Variants in EHD4 observed in about 807,000 individuals in gnomAD.
The protein encoded by EHD4 is EH domain containing 4, also known as EH domain-containing protein 4.
EHD4 carries 37 observed loss-of-function variants against 51.0 expected under a neutral mutation model. The observed-to-expected ratio is 0.73, with a 90% CI of 0.56 to 0.95. EHD4 has a LOEUF of 0.95. Ranked by LOEUF, EHD4 falls within the 40% of genes least tolerant of loss-of-function variation. The pLI is 0.00. For synonymous variants in EHD4, 297 were observed against 317.3 expected, an observed-to-expected ratio of 0.94 and a Z score of 0.68; for missense variants, 632 against 733.1, an observed-to-expected ratio of 0.86 and a Z score of 1.59.
At chr15:41,943,953 G>T (rs2067794509) in intron 2 of EHD4, among the ~76,000 whole-genome samples, 1 of 152,196 alleles carries the variant, frequency 6.6e-6, no homozygotes, top group Admixed American at 6.5e-5. Context: ...GAAGGCCCTG[G>T]CTGAGCATCT....
At position 41,932,440 on chromosome 15, in the gene EHD4, C is replaced by A. The variant is rs187853067; in HGVS notation, c.511+10627G>T. On this transcript the variant is annotated intron_variant, in intron 3 of 5. Coordinates refer to ENST00000220325, the MANE Select transcript of EHD4 (RefSeq NM_139265.4). The stretch of plus-strand genomic sequence containing the variant: ...CCCAAGCACATACACACCTACCCAC[C>A]GCAGGGTGCTTCAGAAAGGTGAAAC... 1.2e-3 allele frequency among the ~76,000 whole-genome samples: 177 copies of A among 152,288 alleles called. 1 individual carries two copies. The highest frequency in any genetic ancestry group is 4.1e-3 in the African/African-American group (172 of 41,544).
chr15:41,904,785 G>A (rs1244431552), intron 5 of EHD4, among the ~76,000 whole-genome samples: 2 of 152,242 alleles, frequency 1.3e-5, no homozygotes, highest in African/African-American at 2.4e-5. Flanking sequence ...CAGCAGTAAC[G>A]GTGGCCCTTC....
At chr15:41,906,403 C>T (rs1473736241) in intron 5 of EHD4, among the ~76,000 whole-genome samples, 1 of 152,214 alleles carries the variant, frequency 6.6e-6, no homozygotes, top group Non-Finnish European at 1.5e-5. Context: ...TCTTCCCATC[C>T]CCTCTTCACT....
chr15:41,947,321 G>A (rs1165821128), intron 2 of EHD4, among the ~76,000 whole-genome samples: 1 of 152,170 alleles, frequency 6.6e-6, no homozygotes, highest in Non-Finnish European at 1.5e-5. Context: ...GTGTCTGTCA[G>A]GGTGGGGAAC....
chr15:41,915,162 T>C (rs2067575782), intron 4 of EHD4, among the ~76,000 whole-genome samples: 3 of 152,120 alleles, frequency 2.0e-5, no homozygotes, highest in African/African-American at 7.2e-5. Flanking sequence ...GAACTACATA[T>C]ACATTCATAT....
chr15:41,909,035 C>T (rs1051927396), intron 5 of EHD4, among the ~76,000 whole-genome samples: 2 of 152,310 alleles, frequency 1.3e-5, no homozygotes, highest in Middle Eastern at 3.4e-3. Flanking sequence ...TGGGTGGCCT[C>T]GCTTGTGAGG....
intron 2 of EHD4, among the ~76,000 whole-genome samples, chr15:41,946,194 T>C (rs917959890): frequency 6.6e-6 from 1 of 152,190 alleles, no homozygotes. Flanking sequence ...ACGTAAAATA[T>C]GCAGACACAT....
chr15:41,917,008 C>G (rs2067589105), intron 4 of EHD4, among the ~76,000 whole-genome samples: 1 of 152,238 alleles, frequency 6.6e-6, no homozygotes, highest in South Asian at 2.1e-4. Flanking sequence ...CCAGGCCGCG[C>G]TGGCCCGTTC....
intron 5 of EHD4, among the ~76,000 whole-genome samples, chr15:41,904,241 G>A (rs2067497684): frequency 1.3e-5 from 2 of 152,220 alleles, no homozygotes; most frequent in Non-Finnish European, 2.9e-5. Context: ...TCCGACTGCA[G>A]AGCTCTGGAA....
chr15:41,950,798 C>T (rs1177664169), intron 2 of EHD4, among the ~76,000 whole-genome samples: 1 of 152,124 alleles, frequency 6.6e-6, no homozygotes, highest in Non-Finnish European at 1.5e-5. Context: ...GATTCCAATC[C>T]CCTCTCTGCC....
chr15:41,962,542 C>CAAA lies in EHD4; in HGVS notation c.237-8605_237-8603dup, dbSNP rs35279472. Among the ~76,000 whole-genome samples the CAAA allele has an allele frequency of 2.1e-3, 275 of 127,988 alleles. 1 individual carries two copies. The highest frequency in any genetic ancestry group is 3.6e-3 in the Non-Finnish European group (208 of 57,790). 84.0% of individuals were successfully genotyped at this position (127,988 alleles called of 152,430 possible). A position where few individuals can be genotyped will look rare whatever the true frequency, so the allele number is the denominator to read the frequency against. On this transcript the variant is annotated intron_variant, in intron 1 of 5. Coordinates refer to ENST00000220325, the MANE Select transcript of EHD4 (RefSeq NM_139265.4). ...AATAGTGTTAGAAAATGACAAAAGACAAAAAAAAAAAAACCCACAACAATA... is the reference window on the plus strand; with the variant it reads ...AATAGTGTTAGAAAATGACAAAAGACAAAAAAAAAAAAAAAACCCACAACAATA...
chr15:41,903,329 T>TAAATAAAA (rs2067490180), intron 5 of EHD4, among the ~76,000 whole-genome samples: 1 of 136,084 alleles, frequency 7.3e-6, no homozygotes, highest in East Asian at 2.1e-4. Flanking sequence ...TGCTTTCTTG[T>TAAATAAAA]AAAAAAAAAA....
intron 4 of EHD4, among the ~76,000 whole-genome samples, chr15:41,913,514 C>T (rs1191341604): frequency 6.6e-6 from 1 of 152,208 alleles, no homozygotes; most frequent in Non-Finnish European, 1.5e-5. Flanking sequence ...GCATCTCCAC[C>T]TCAGCGTGCT....
chr15:41,965,492 A>C (rs1381714427), intron 1 of EHD4, among the ~76,000 whole-genome samples: 1 of 152,244 alleles, frequency 6.6e-6, no homozygotes, highest in Non-Finnish European at 1.5e-5. Flanking sequence ...TCCTCCATTA[A>C]CTGAACCTTC....
intron 5 of EHD4, among the ~76,000 whole-genome samples, chr15:41,905,737 C>G (rs1334102688): frequency 6.6e-6 from 1 of 152,214 alleles, no homozygotes; most frequent in Non-Finnish European, 1.5e-5. Flanking sequence ...GTGGCGTGAT[C>G]ATGGCTCATA....
Position 41,897,695 on chromosome 15 carries a change from G to C in EHD4, c.*2950C>G, listed in dbSNP as rs901174360. On this transcript the variant is annotated 3_prime_UTR_variant, in exon 6 of 6. Coordinates refer to ENST00000220325, the MANE Select transcript of EHD4 (RefSeq NM_139265.4). Reference sequence around the variant, plus strand: ...CCCTCACTGGCAGGCTGACAACTTGGAAGCAGACTGTGGGAGCAATAGGCT... The same window carrying C: ...CCCTCACTGGCAGGCTGACAACTTGCAAGCAGACTGTGGGAGCAATAGGCT... The C allele has an allele frequency of 6.6e-6, 1 of 152,266 alleles. No individual in the cohort carries two copies. The highest frequency in any genetic ancestry group is 1.5e-5 in the Non-Finnish European group (1 of 68,080). 9.4% of individuals were successfully genotyped at this position (152,266 alleles called of 1,614,324 possible). A position where few individuals can be genotyped will look rare whatever the true frequency, so the allele number is the denominator to read the frequency against.
At chr15:41,944,856 C>T (rs930889472) in intron 2 of EHD4, among the ~76,000 whole-genome samples, 1 of 152,162 alleles carries the variant, frequency 6.6e-6, no homozygotes, top group Admixed American at 6.5e-5. Context: ...GAGAAGCCCC[C>T]AATTTCCACC....
chr15:41,919,708 G>A (rs892368426), intron 3 of EHD4, 86 bp from the exon 4 acceptor site: 4 of 1,312,004 alleles, frequency 3.0e-6, no homozygotes, highest in East Asian at 2.7e-5. Context: ...TCGCTCTCCA[G>A]CAGCTGCCAG....
At chr15:41,956,793 G>C (rs1156926207) in intron 1 of EHD4, among the ~76,000 whole-genome samples, 3 of 152,180 alleles carry the variant, frequency 2.0e-5, no homozygotes, top group African/African-American at 7.2e-5. Flanking sequence ...TATAAAGCTT[G>C]CTTGCATTAT....
Sources: gnomAD v4.1 joint callset for allele counts (sites outside exome capture counted in the v4.1 genomes callset) on GRCh38, gnomAD v4.1.1 for gene constraint, MANE v1.5 for transcripts, NCBI Gene and HGNC (gene_info 2026-07-23, HGNC 2026-07-21) for gene names.